Variants in BUD23 observed in about 807,000 individuals in gnomAD.
The protein encoded by BUD23 is BUD23 rRNA methyltransferase and ribosome maturation factor, also known as 18S rRNA (guanine-N(7))-methyltransferase.
Under a neutral mutation model 47.0 loss-of-function variants are expected in BUD23, and 34 were observed. The ratio of observed to expected loss-of-function variants is 0.72; its 90% CI spans 0.55 to 0.96. The LOEUF is 0.96. Ranked by LOEUF, BUD23 falls within the 40% of genes least tolerant of loss-of-function variation. BUD23 has a pLI of 0.00. For synonymous variants in BUD23, 124 were observed against 132.0 expected, an observed-to-expected ratio of 0.94 and a Z score of 0.41; for missense variants, 343 against 361.2, an observed-to-expected ratio of 0.95 and a Z score of 0.41.
intron 8 of BUD23, 41 bp from the exon 9 acceptor site, chr7:73,693,583 C>G (rs1798277776): frequency 3.1e-6 from 5 of 1,613,550 alleles, no homozygotes; most frequent in Non-Finnish European, 4.2e-6. Flanking sequence ...CCCTGTGGGG[C>G]TTTCTCCACC....
At chr7:73,693,133 C>G (rs2116697591) in intron 7 of BUD23, 196 bp from the exon 8 acceptor site, 3 of 610,458 alleles carry the variant, frequency 4.9e-6, no homozygotes, top group Non-Finnish European at 3.0e-6. Flanking sequence ...TTGCTTTGTT[C>G]TGTAATTCTC....
At chr7:73,694,318 C>T (rs1485291816) in intron 10 of BUD23, 2 of 409,176 alleles carry the variant, frequency 4.9e-6, no homozygotes, top group Non-Finnish European at 8.7e-6. Flanking sequence ...GGCAGGCTGT[C>T]TCCTTCTTTT....
chr7:73,693,205 G>GACC, intron 7 of BUD23, 124 bp from the exon 8 acceptor site: 1 of 883,442 alleles, frequency 1.1e-6, no homozygotes, highest in South Asian at 1.5e-5. Flanking sequence ...GGCTTACAGC[G>GACC]ACCTTAAGTT....
At chr7:73,694,470 A>G (rs1226557595) in intron 10 of BUD23, 1 of 163,190 alleles carries the variant, frequency 6.1e-6, no homozygotes, top group Non-Finnish European at 1.3e-5. Flanking sequence ...CTTTTCTAGA[A>G]AAGTTCCTTC....
chr7:73,689,083 T>C (rs781971409), intron 5 of BUD23, among the ~76,000 whole-genome samples: 51 of 152,334 alleles, frequency 3.3e-4, no homozygotes, highest in Admixed American at 1.3e-3. Context: ...GGATTCTTAC[T>C]GTATTGTCCA....
At position 73,693,429 on chromosome 7, in the gene BUD23, C is replaced by CCGGT; in HGVS notation, c.596+16_596+19dup. 1 of 1,613,866 alleles carries CCGGT rather than the reference C, an allele frequency of 6.2e-7. No individual in the cohort carries two copies. The highest frequency in any genetic ancestry group is 8.5e-7 in the Non-Finnish European group (1 of 1,179,834). Reference sequence around the variant, plus strand: ...AAAGCAAAGAAGTGAGCGCTGGGGGCCGGTGTGCTGCCTGGGCTGCAGGAG... The same window carrying CCGGT: ...AAAGCAAAGAAGTGAGCGCTGGGGGCCGGTCGGTGTGCTGCCTGGGCTGCAGGAG... On this transcript the variant is annotated intron_variant, in intron 8 of 11. Transcript: ENST00000265758.
intron 5 of BUD23, among the ~76,000 whole-genome samples, chr7:73,687,896 T>G (rs541162510): frequency 1.2e-4 from 18 of 151,000 alleles, no homozygotes; most frequent in Non-Finnish European, 2.2e-4. Context: ...CAGACGTGGT[T>G]GTTGTTTTTT....
rs1455283932 is a variant in BUD23, at chr7:73,683,816, C to T, written c.86+12C>T. ...AAATACGTTCGCAAGTGAGGGGAGC[C>T]TGAATACTGCGGGGCGTCCGGGGGT... is the stretch of plus-strand genomic sequence containing the variant. On this transcript the variant is annotated intron_variant, in intron 2 of 11. Coordinates refer to ENST00000265758, the MANE Select transcript of BUD23 (RefSeq NM_017528.5). 7 of 1,614,176 alleles carry T rather than the reference C, an allele frequency of 4.3e-6. No homozygotes were observed. The highest frequency in any genetic ancestry group is 5.9e-6 in the Non-Finnish European group (7 of 1,180,036).
chr7:73,690,100 G>T (rs782003504), intron 5 of BUD23, among the ~76,000 whole-genome samples: 16 of 152,158 alleles, frequency 1.1e-4, no homozygotes, highest in Non-Finnish European at 1.6e-4. Context: ...TGCCTCCCAG[G>T]TTCAAGTGAT....
intron 3 of BUD23, 21 bp from the exon 4 acceptor site, chr7:73,686,797 G>C: frequency 6.2e-7 from 1 of 1,614,156 alleles, no homozygotes; most frequent in Non-Finnish European, 8.5e-7. Flanking sequence ...CTGACCCTGA[G>C]TGTCTGGTCA....
chr7:73,687,950 C>T (rs1170444072), intron 5 of BUD23, among the ~76,000 whole-genome samples: 1 of 150,950 alleles, frequency 6.6e-6, no homozygotes, highest in East Asian at 2.0e-4. Context: ...GGCTGGAGTG[C>T]AGTGGCGGGA....
In BUD23 at chr7:73,698,028, G is replaced by A; in HGVS notation, c.*142G>A. ...AAAGTTCTCTGGGCCGGGCGTGGTGGCTCACACCTGTAATCCCAGCACCTT... is the reference window on the plus strand; with the variant it reads ...AAAGTTCTCTGGGCCGGGCGTGGTGACTCACACCTGTAATCCCAGCACCTT... On this transcript the variant is annotated 3_prime_UTR_variant, in exon 12 of 12. Transcript: ENST00000265758. 1.1e-6 allele frequency: 1 copy of A among 937,358 alleles called. No homozygotes were observed. 58.1% of individuals were successfully genotyped at this position (937,358 alleles called of 1,614,324 possible). A position where few individuals can be genotyped will look rare whatever the true frequency, so the allele number is the denominator to read the frequency against.
At chr7:73,684,090 C>G in intron 2 of BUD23, 1 of 1,035,736 alleles carries the variant, frequency 9.7e-7, no homozygotes, top group South Asian at 1.7e-5. Context: ...AGGCGCTGGG[C>G]GGTGGGTACG....
At chr7:73,696,569 C>T (rs782672181) in intron 10 of BUD23, 2 of 152,260 alleles carry the variant, frequency 1.3e-5, no homozygotes, top group Non-Finnish European at 2.9e-5. Context: ...ACCTTGCCAT[C>T]CCTCGTTCTG....
At chr7:73,690,885 C>T (rs781922633) in intron 5 of BUD23, 31 bp from the exon 6 acceptor site, 2 of 1,590,712 alleles carry the variant, frequency 1.3e-6, no homozygotes, top group African/African-American at 2.7e-5. Context: ...GTGGATTGCT[C>T]CGTTGCCTGA....
chr7:73,695,426 T>G (rs1309235638), intron 10 of BUD23: 1 of 151,996 alleles, frequency 6.6e-6, no homozygotes, highest in East Asian at 1.9e-4. Flanking sequence ...ATTTTTTGTG[T>G]TTTTAGTAGA....
At chr7:73,696,900 C>G (rs1319704043) in intron 10 of BUD23, 2 of 158,958 alleles carry the variant, frequency 1.3e-5, no homozygotes, top group Non-Finnish European at 2.8e-5. Context: ...GACTTTCCCC[C>G]TTGCTGCTTC....
At chr7:73,688,526 C>T (rs1554613489) in intron 5 of BUD23, among the ~76,000 whole-genome samples, 1 of 152,196 alleles carries the variant, frequency 6.6e-6, no homozygotes, top group African/African-American at 2.4e-5. Context: ...AGCCATCTTA[C>T]TTTATTTGCC....
rs966709446 is a variant in BUD23, at chr7:73,698,168, A to G, written c.*282A>G. The G allele has an allele frequency of 2.1e-5, 6 of 285,316 alleles. No homozygotes were observed. Among genetic ancestry groups the G allele is most frequent in the Admixed American group, 2.0e-4 (4 of 20,408 alleles). 17.7% of individuals were successfully genotyped at this position (285,316 alleles called of 1,614,324 possible). ...AAAAAAAAAAAAAAGCTCTGAGAGC[A>G]TCTTATTTTGTTTAAAGGCAAGAAA... On this transcript the variant is annotated 3_prime_UTR_variant, in exon 12 of 12. Transcript: ENST00000265758.
Sources: gnomAD v4.1 joint callset for allele counts (sites outside exome capture counted in the v4.1 genomes callset) on GRCh38, gnomAD v4.1.1 for gene constraint, MANE v1.5 for transcripts, NCBI Gene and HGNC (gene_info 2026-07-23, HGNC 2026-07-21) for gene names.